Variants in EAPP observed in about 807,000 individuals in gnomAD.
The protein encoded by EAPP is E2F associated phosphoprotein, also known as E2F-associated phosphoprotein.
EAPP carries 38 observed loss-of-function variants against 34.3 expected under a neutral mutation model. The observed-to-expected ratio is 1.11, with a 90% CI of 0.85 to 1.45. The LOEUF (loss-of-function observed/expected upper bound fraction) is 1.45, where lower values mean the gene tolerates loss of function less well. Among genes scored for constraint, EAPP ranks in the 40% most tolerant of loss-of-function variants. The pLI is 0.00. For missense variants in EAPP, 338 were observed against 343.7 expected (o/e 0.98, Z 0.13); for synonymous variants, 113 against 117.6 (o/e 0.96, Z 0.25).
intron 5 of EAPP, 128 bp downstream of exon 5, chr14:34,524,569 T>C: frequency 1.5e-6 from 1 of 682,030 alleles, no homozygotes; most frequent in South Asian, 1.8e-5. Context: ...TGAGGCGAGA[T>C]TGTGCCACTG....
At position 34,539,697 on chromosome 14, in the gene EAPP, T is replaced by C. The variant is rs1157883422; in HGVS notation, c.-69A>G. On this transcript the variant is annotated 5_prime_UTR_variant, in exon 1 of 6. Transcript: ENST00000250454. Reference sequence around the variant, plus strand: ...GTCTCTGTTTACACTGCAAGTCCAGTCCCTAAAGCGCCCCTGACGCCACTT... The same window carrying C: ...GTCTCTGTTTACACTGCAAGTCCAGCCCCTAAAGCGCCCCTGACGCCACTT... 7.0e-7 allele frequency: 1 copy of C among 1,425,990 alleles called. No homozygotes were observed. The highest frequency in any genetic ancestry group is 1.4e-5 in the African/African-American group (1 of 70,072). The allele number at this position is 1,425,990 out of a possible 1,614,324, so 88.3% of individuals were successfully genotyped here.
At chr14:34,533,652 A>C (rs1880369940) in intron 2 of EAPP, 113 bp from the exon 3 acceptor site, 79 of 635,516 alleles carry the variant, frequency 1.2e-4, no homozygotes, top group Middle Eastern at 2.8e-4. Flanking sequence ...TCACAAACTC[A>C]TTTGATGGTG....
chr14:34,516,940 CTTT>C (rs11432394), intron 5 of EAPP, among the ~76,000 whole-genome samples: 1 of 139,830 alleles, frequency 7.2e-6, no homozygotes, highest in Admixed American at 7.4e-5. Context: ...TTGAAAGTAA[CTTT>C]TTTTTTTTTT....
chr14:34,525,920 TG>T (rs1880079580), intron 4 of EAPP, among the ~76,000 whole-genome samples: 1 of 151,598 alleles, frequency 6.6e-6, no homozygotes, highest in Non-Finnish European at 1.5e-5. Flanking sequence ...CTCAGGAGGT[TG>T]AGGCAGGAGA....
intron 5 of EAPP, among the ~76,000 whole-genome samples, chr14:34,519,242 A>G (rs756048382): frequency 6.6e-6 from 1 of 152,136 alleles, no homozygotes; most frequent in Non-Finnish European, 1.5e-5. Context: ...TGCCATCATT[A>G]AAAGTTTCCT....
chr14:34,539,068 A>G (rs987167648), intron 1 of EAPP, among the ~76,000 whole-genome samples: 3 of 152,226 alleles, frequency 2.0e-5, no homozygotes, highest in African/African-American at 7.2e-5. Flanking sequence ...AAAAAATAAA[A>G]ATAAAAAAGG....
At chr14:34,533,593 C>G in intron 2 of EAPP, 54 bp from the exon 3 acceptor site, 11 of 1,133,346 alleles carry the variant, frequency 9.7e-6, no homozygotes, top group Admixed American at 2.5e-5. Flanking sequence ...ATTCACAAGG[C>G]AAAAAACTCC....
chr14:34,533,507 C>A lies in EAPP; in HGVS notation c.289G>T (p.Ala97Ser). 6.3e-7 allele frequency: 1 copy of A among 1,595,362 alleles called. No individual in the cohort carries two copies. ...ATATCATCGTAGTACCTTGTCGGAGCTGTTGCAACTTTTCCATTTCCTGAG... is the reference window on the plus strand; with the variant it reads ...ATATCATCGTAGTACCTTGTCGGAGATGTTGCAACTTTTCCATTTCCTGAG... Reference protein sequence around the residue: ...SSSGNGKVATAPTRYYDDIYF... With the variant: ...SSSGNGKVATSPTRYYDDIYF... Residue 97 changes from alanine to serine, a missense_variant, in exon 3 of 6, where the codon GCT (alanine) becomes TCT (serine). Coordinates refer to ENST00000250454, the MANE Select transcript of EAPP (RefSeq NM_018453.4).
intron 4 of EAPP, 60 bp from the exon 5 acceptor site, chr14:34,524,867 T>C (rs1880045636): frequency 3.7e-6 from 5 of 1,350,590 alleles, no homozygotes; most frequent in Non-Finnish European, 4.2e-6. Context: ...TGGTTTCTAG[T>C]GTCATTTTCC....
At chr14:34,528,074 T>C (rs8013954) in intron 4 of EAPP, among the ~76,000 whole-genome samples, 115,820 of 148,956 alleles carry the variant, frequency 0.78, 45,939 homozygotes, top group Non-Finnish European at 0.85. Flanking sequence ...GACAGTCTCA[T>C]TCAGTCGACC....
chr14:34,524,081 C>T (rs1481855160), intron 5 of EAPP, among the ~76,000 whole-genome samples: 4 of 151,820 alleles, frequency 2.6e-5, no homozygotes, highest in African/African-American at 9.7e-5. Context: ...CATGGTGTGA[C>T]CCTGTCTCTA....
At position 34,516,372 on chromosome 14, in the gene EAPP, C is replaced by A; in HGVS notation, c.796G>T (p.Val266Leu). The change falls in exon 6 of 6, where the codon GTG (valine) becomes TTG (leucine). Residue 266 changes from valine (V) to leucine (L), a missense_variant. Transcript: ENST00000250454. ...ACTTCATCCTTGTCGTAGACTGCCA[C>A]TTCAGTGGAACATTCAGTGCACATG... ...PVMCTECSTEVAVYDKDEVFH... is the reference protein window; with the variant it reads ...PVMCTECSTELAVYDKDEVFH... 6.2e-7 allele frequency: 1 copy of A among 1,614,180 alleles called. No individual in the cohort carries two copies. The highest frequency in any genetic ancestry group is 8.5e-7 in the Non-Finnish European group (1 of 1,180,030).
chr14:34,539,325 G>A, intron 1 of EAPP: 1 of 686,232 alleles, frequency 1.5e-6, no homozygotes, highest in South Asian at 1.5e-5. Context: ...TTTACACGCG[G>A]TCCCCCGTGA....
At chr14:34,516,713 A>G in intron 5 of EAPP, 127 bp from the exon 6 acceptor site, 2 of 948,990 alleles carry the variant, frequency 2.1e-6, no homozygotes, top group South Asian at 1.8e-5. Flanking sequence ...CAGGAACAAA[A>G]CAGCAAGTTT....
In EAPP at chr14:34,539,435, G is replaced by T. The variant is rs373281427; in HGVS notation, c.74+120C>A. The T allele has an allele frequency of 1.6e-5, 18 of 1,121,080 alleles. No individual in the cohort carries two copies. The South Asian group carries it at 2.0e-4, about 13-fold the overall frequency. 69.4% of individuals were successfully genotyped at this position (1,121,080 alleles called of 1,614,324 possible). Reference sequence around the variant, plus strand: ...GCCCTTTGGCTTCGCACAAGTAACAGGCACGACAGGCTCCCGAGCCGCTAG... The same window carrying T: ...GCCCTTTGGCTTCGCACAAGTAACATGCACGACAGGCTCCCGAGCCGCTAG... On this transcript the variant is annotated intron_variant, in intron 1 of 5. Coordinates refer to ENST00000250454, the MANE Select transcript of EAPP (RefSeq NM_018453.4).
intron 5 of EAPP, among the ~76,000 whole-genome samples, chr14:34,524,132 C>G (rs993995316): frequency 1.3e-5 from 2 of 151,764 alleles, no homozygotes; most frequent in Non-Finnish European, 2.9e-5. Context: ...TAGCTCACAG[C>G]TGTAATCCCA....
At chr14:34,516,940 C>CTTT (rs11432394) in intron 5 of EAPP, among the ~76,000 whole-genome samples, 9 of 139,812 alleles carry the variant, frequency 6.4e-5, no homozygotes, top group Non-Finnish European at 9.1e-5. Flanking sequence ...TTGAAAGTAA[C>CTTT]TTTTTTTTTT....
intron 5 of EAPP, among the ~76,000 whole-genome samples, chr14:34,518,136 A>G (rs1879797186): frequency 1.3e-5 from 2 of 151,840 alleles, no homozygotes; most frequent in African/African-American, 2.4e-5. Flanking sequence ...GAGGTGTATC[A>G]TTAGATTATT....
At position 34,539,623 on chromosome 14, in the gene EAPP, G is replaced by C; in HGVS notation, c.6C>G (p.Asn2Lys). 6.4e-7 allele frequency: 1 copy of C among 1,571,310 alleles called. No individual in the cohort carries two copies. Among genetic ancestry groups the C allele is most frequent in the Non-Finnish European group, 8.6e-7 (1 of 1,157,168 alleles). Reference sequence around the variant, plus strand: ...AGGGGTCGTAGTCATCCGGAAGCCGGTTCATGGTGGCCTGCAGCGGCCTAC... The same window carrying C: ...AGGGGTCGTAGTCATCCGGAAGCCGCTTCATGGTGGCCTGCAGCGGCCTAC... M[N>K]RLPDDYDPYA... The change falls in exon 1 of 6, where the codon AAC becomes AAG. Residue 2 changes from asparagine to lysine, a missense_variant. Transcript: ENST00000250454.
Sources: allele counts gnomAD v4.1 joint callset (sites outside exome capture counted in the v4.1 genomes callset), GRCh38; gene constraint gnomAD v4.1.1; transcripts MANE v1.5; gene names NCBI Gene and HGNC (gene_info 2026-07-23, HGNC 2026-07-21).